The following LRBA variants were observed in gnomAD, a reference collection of about 807,000 sequenced individuals.
The protein encoded by LRBA is LPS responsive beige-like anchor protein.
A neutral mutation model predicts 330.0 loss-of-function variants in LRBA; 176 were observed. The ratio of observed to expected loss-of-function variants is 0.53; its 90% CI spans 0.47 to 0.60. The LOEUF is 0.60. LRBA is among the 20% of genes least tolerant of loss of function. LRBA has a pLI of 0.00. For missense variants in LRBA, 3,259 were observed against 3,444.8 expected, an observed-to-expected ratio of 0.95 and a Z score of 1.35; for synonymous variants, 1,230 against 1,193.0, an observed-to-expected ratio of 1.03 and a Z score of -0.64.
chr4:150,307,494 A>G (rs1730506815), intron 52 of LRBA, among the ~76,000 whole-genome samples: 1 of 151,916 alleles, frequency 6.6e-6, no homozygotes, highest in Non-Finnish European at 1.5e-5. Context: ...CCAAAAGAAT[A>G]TTTGAGAAAA....
At chr4:150,600,493 T>C (rs888455016) in intron 37 of LRBA, among the ~76,000 whole-genome samples, 1 of 152,110 alleles carries the variant, frequency 6.6e-6, no homozygotes, top group Non-Finnish European at 1.5e-5. Flanking sequence ...CAGTACGTTA[T>C]TTAAAGAAAA....
intron 44 of LRBA, among the ~76,000 whole-genome samples, chr4:150,439,209 T>TA (rs1286046540): frequency 2.0e-5 from 3 of 152,214 alleles, no homozygotes; most frequent in Admixed American, 2.0e-4. Context: ...TGAAGCATAA[T>TA]AAGTATTCAC....
intron 40 of LRBA, among the ~76,000 whole-genome samples, chr4:150,567,450 G>A (rs1201333128): frequency 3.3e-5 from 5 of 151,606 alleles, no homozygotes; most frequent in Admixed American, 6.6e-5. Context: ...CTGCAGACAG[G>A]GCATTAAAAA....
At chr4:150,534,424 T>C in intron 40 of LRBA, among the ~76,000 whole-genome samples, 1 of 151,108 alleles carries the variant, frequency 6.6e-6, no homozygotes, top group East Asian at 1.9e-4. Context: ...GTATTCCTAA[T>C]ATACAAAGCT....
Position 150,641,409 on chromosome 4 carries a change from A to G in LRBA, c.5921+42142T>C, listed in dbSNP as rs1318706787. Among the ~76,000 whole-genome samples the G allele has an allele frequency of 3.3e-5, 5 of 152,158 alleles. No homozygotes were observed. The South Asian group carries it at 1.0e-3, about 31-fold the overall frequency. ...TACATATATCTAAATACATAATGGC[A>G]TCAAATTCTAATTTACTCCACAAAA... On this transcript the variant is annotated intron_variant, in intron 37 of 56. Transcript: ENST00000651943.
chr4:150,278,156 G>A (rs1318300232), intron 55 of LRBA, 152 bp from the exon 56 acceptor site: 1 of 648,756 alleles, frequency 1.5e-6, no homozygotes, highest in African/African-American at 1.8e-5. Context: ...AGTTGTAGAA[G>A]ATCTGCCATT....
intron 33 of LRBA, among the ~76,000 whole-genome samples, chr4:150,800,889 A>G (rs914622620): frequency 3.9e-5 from 6 of 152,180 alleles, no homozygotes; most frequent in African/African-American, 1.4e-4. Flanking sequence ...TATCTGCACT[A>G]ATCTGGAATT....
At chr4:150,556,659 C>T (rs7674390) in intron 40 of LRBA, among the ~76,000 whole-genome samples, 12,168 of 152,184 alleles carry the variant, frequency 0.08, 844 homozygotes, top group East Asian at 0.18. Flanking sequence ...ATGAAATAAG[C>T]ATAATATTAC....
At position 150,808,336 on chromosome 4, in the gene LRBA, G is replaced by A. The variant is rs1352196486; in HGVS notation, c.5368C>T (p.Pro1790Ser). The A allele has an allele frequency of 1.9e-6, 3 of 1,611,592 alleles. No homozygotes were observed. Among genetic ancestry groups the A allele is most frequent in the African/African-American group, 1.3e-5 (1 of 74,814 alleles). ...VPTVDSVSQD[P>S]VSNMSITERL... ...CTTAAATACCTCATATTTGAAACCG[G>A]ATCTTGTGAAACTGAATCAACTGTT... is the stretch of plus-strand genomic sequence containing the variant. The change falls in exon 32 of 57, where the codon CCG becomes TCG. Residue 1790 changes from proline to serine, a missense_variant. By Grantham distance (74) the Pro-to-Ser change is moderately conservative (BLOSUM62 -1). Coordinates refer to ENST00000651943, the MANE Select transcript of LRBA (RefSeq NM_001364905.1).
chr4:150,599,856 T>G (rs1190768098), intron 37 of LRBA, among the ~76,000 whole-genome samples: 2 of 152,206 alleles, frequency 1.3e-5, no homozygotes. Flanking sequence ...AGCAATCTAT[T>G]TTCAAGCAAA....
At chr4:150,422,973 T>C in intron 46 of LRBA, 2 of 781,634 alleles carry the variant, frequency 2.6e-6, no homozygotes, top group East Asian at 2.4e-5. Flanking sequence ...CTGAGAAGTA[T>C]TTCTGGTCCA....
chr4:150,399,379 T>C (rs992152169), intron 47 of LRBA, among the ~76,000 whole-genome samples: 4 of 152,188 alleles, frequency 2.6e-5, no homozygotes, highest in Non-Finnish European at 4.4e-5. Flanking sequence ...AGCTCTGCTG[T>C]TGTCATAAAG....
intron 50 of LRBA, among the ~76,000 whole-genome samples, chr4:150,318,417 G>C (rs1411457199): frequency 1.3e-5 from 2 of 152,044 alleles, no homozygotes. Flanking sequence ...GGAAATCATA[G>C]ATCCTCAGAA....
chr4:150,914,275 T>G lies in LRBA; in HGVS notation c.1081A>C (p.Met361Leu). Reference sequence around the variant, plus strand: ...TCACTGAAAAGGTAAACTGCAGTCATCTGACCACAGAATACTCTATTAGCA... The same window carrying G: ...TCACTGAAAAGGTAAACTGCAGTCAGCTGACCACAGAATACTCTATTAGCA... ...ADANRVFCGQ[M>L]TAVYLFSEAL... Residue 361 changes from methionine (M) to leucine (L), a missense_variant, in exon 9 of 57, where the codon ATG (methionine) becomes CTG (leucine). Met to Leu is a conservative substitution (Grantham distance 15). Transcript: ENST00000651943. 1 of 1,608,732 alleles carries G rather than the reference T, an allele frequency of 6.2e-7. No homozygotes were observed.
chr4:150,799,869 C>A (rs941614608), intron 33 of LRBA, among the ~76,000 whole-genome samples: 1 of 152,136 alleles, frequency 6.6e-6, no homozygotes, highest in Non-Finnish European at 1.5e-5. Flanking sequence ...CTCAGCCACC[C>A]GAGTAGCTGG....
At chr4:150,627,265 T>G (rs1388813735) in intron 37 of LRBA, among the ~76,000 whole-genome samples, 1 of 151,934 alleles carries the variant, frequency 6.6e-6, no homozygotes, top group Non-Finnish European at 1.5e-5. Context: ...TATTCTAAGG[T>G]ACTCCTGACT....
chr4:150,391,972 TA>T (rs150931536), intron 47 of LRBA, among the ~76,000 whole-genome samples: 7,667 of 107,266 alleles, frequency 0.071, 495 homozygotes, highest in African/African-American at 0.17. Context: ...TGTTACTCTT[TA>T]AAAAAAAAAA....
chr4:150,852,497 A>T lies in LRBA; in HGVS notation c.3213T>A (p.Asp1071Glu). 1 of 1,613,820 alleles carries T rather than the reference A, an allele frequency of 6.2e-7. No individual in the cohort carries two copies. Among genetic ancestry groups the T allele is most frequent in the South Asian group, 1.1e-5 (1 of 91,080 alleles). The change falls in exon 23 of 57, where the codon GAT becomes GAA. Residue 1071 changes from aspartate to glutamate, a missense_variant. Transcript: ENST00000651943. ...CAGTTACTTCACTGACAGTCATTGA[A>T]TCTTTGCCAGTTGTTATAAAAGAAT... Reference protein sequence around the residue: ...SSNSFITTGKDSMTVSEVTAS... With the variant: ...SSNSFITTGKESMTVSEVTAS...
Position 150,264,988 on chromosome 4 carries a change from A to ACTT in LRBA, c.*731_*733dup, listed in dbSNP as rs1245967055. 2 of 152,680 alleles carry ACTT rather than the reference A, an allele frequency of 1.3e-5. No homozygotes were observed. The highest frequency in any genetic ancestry group is 2.9e-5 in the Non-Finnish European group (2 of 68,062). 9.5% of individuals were successfully genotyped at this position (152,680 alleles called of 1,614,324 possible). The stretch of plus-strand genomic sequence containing the variant: ...GTAGTGAGCTTTGGTACTTGCATTT[A>ACTT]CTTTAAAAGAAAAACAAATGTTGTG... On this transcript the variant is annotated 3_prime_UTR_variant, in exon 57 of 57. Transcript: ENST00000651943.
Sources: allele counts gnomAD v4.1 joint callset (sites outside exome capture counted in the v4.1 genomes callset), GRCh38; gene constraint gnomAD v4.1.1; transcripts MANE v1.5; gene names NCBI Gene and HGNC (gene_info 2026-07-23, HGNC 2026-07-21).